Variants in NCOR1 observed in about 807,000 individuals in gnomAD.
NCOR1 encodes nuclear receptor corepressor 1, also known as protein phosphatase 1, regulatory subunit 109.
A neutral mutation model predicts 288.1 loss-of-function variants in NCOR1; 63 were observed. The ratio of observed to expected loss-of-function variants is 0.22; its 90% CI spans 0.18 to 0.27. The LOEUF (loss-of-function observed/expected upper bound fraction) is 0.27. NCOR1 is among the 10% of genes least tolerant of loss of function. The pLI, the probability that NCOR1 is intolerant of heterozygous loss-of-function variation, is 1.00. For missense variants in NCOR1, 2,397 were observed against 3,019.2 expected, an observed-to-expected ratio of 0.79 and a Z score of 4.83; for synonymous variants, 1,007 against 1,065.9, an observed-to-expected ratio of 0.94 and a Z score of 1.08.
At chr17:16,172,366 A>G (rs2083284304) in intron 3 of NCOR1, among the ~76,000 whole-genome samples, 1 of 152,164 alleles carries the variant, frequency 6.6e-6, no homozygotes, top group Non-Finnish European at 1.5e-5. Flanking sequence ...AAAACAAAAA[A>G]AAAAGGTTTG....
At chr17:16,097,248 C>T (rs770367600) in intron 21 of NCOR1, among the ~76,000 whole-genome samples, 1 of 152,202 alleles carries the variant, frequency 6.6e-6, no homozygotes, top group Non-Finnish European at 1.5e-5. Flanking sequence ...GAGGCTAGAA[C>T]TTCTTTGGGG....
chr17:16,089,130 T>G lies in NCOR1; in HGVS notation c.3017-2688A>C, dbSNP rs1449135793. ...TCCACTGGTCATAGTAGTGGTTTTT[T>G]TTTTTTTTTAAATGATGGAAATTGG... On this transcript the variant is annotated intron_variant, in intron 22 of 45. Coordinates refer to ENST00000268712, the MANE Select transcript of NCOR1 (RefSeq NM_006311.4). Among the ~76,000 whole-genome samples the G allele has an allele frequency of 4.6e-5, 7 of 151,850 alleles. No individual in the cohort carries two copies. The South Asian group carries it at 1.2e-3, about 27-fold the overall frequency.
chr17:16,072,116 T>TA (rs1442896765), intron 29 of NCOR1, 29 bp downstream of exon 29: 23 of 1,540,644 alleles, frequency 1.5e-5, no homozygotes, highest in Non-Finnish European at 1.9e-5. Flanking sequence ...CAGTTATAAA[T>TA]AAAAATGCAA....
intron 14 of NCOR1, among the ~76,000 whole-genome samples, chr17:16,131,841 C>A (rs1326796148): frequency 6.6e-6 from 1 of 152,166 alleles, no homozygotes; most frequent in African/African-American, 2.4e-5. Flanking sequence ...CTCTCTGTGC[C>A]TGACTCTGCA....
chr17:16,033,352 A>C (rs369250146), intron 45 of NCOR1, among the ~76,000 whole-genome samples: 2 of 151,864 alleles, frequency 1.3e-5, no homozygotes, highest in Middle Eastern at 3.4e-3. Context: ...AAAAAAAAAA[A>C]AAACCCAAAA....
rs1225395717 is a variant in NCOR1, at chr17:16,067,897, G to A, written c.4738C>T (p.Pro1580Ser). The A allele has an allele frequency of 3.1e-6, 5 of 1,610,132 alleles. No individual in the cohort carries two copies. In the South Asian group the frequency reaches 4.4e-5, roughly 14 times the overall value. ...TATCACTATATTTTGTGTTTACCAG[G>A]ATCCAAAGCCCTGTGAAAAGGCATG... ...PAMPFHRALD[P>S]AAAAYLFQRQ... The change falls in exon 32 of 46, where the codon CCT becomes TCT. Residue 1580 changes from proline (P) to serine (S), a missense_variant. By Grantham distance (74) the Pro-to-Ser change is moderately conservative. Transcript: ENST00000268712.
intron 3 of NCOR1, among the ~76,000 whole-genome samples, chr17:16,175,103 C>CA (rs2083867695): frequency 6.6e-6 from 1 of 151,964 alleles, no homozygotes; most frequent in Non-Finnish European, 1.5e-5. Context: ...TGCCGTGGCT[C>CA]ACGCCTGTAA....
In NCOR1 at chr17:16,057,526, T is replaced by A; in HGVS notation, c.6380A>T (p.Lys2127Ile). Residue 2127 changes from lysine to isoleucine, a missense_variant, in exon 40 of 46, where the codon AAA becomes ATA. Transcript: ENST00000268712. ...SRVSPENLVD[K>I]SRGSRPGKSP... is the part of the protein sequence containing the mutation. ...ATAAAGATCATACCTTCCCCTGGATTTGTCCACAAGATTTTCTGGAGAGAC... is the reference window on the plus strand; with the variant it reads ...ATAAAGATCATACCTTCCCCTGGATATGTCCACAAGATTTTCTGGAGAGAC... 6.2e-7 allele frequency: 1 copy of A among 1,613,964 alleles called. No individual in the cohort carries two copies. Among genetic ancestry groups the A allele is most frequent in the African/African-American group, 1.3e-5 (1 of 75,042 alleles).
intron 1 of NCOR1, among the ~76,000 whole-genome samples, chr17:16,196,493 G>C (rs1296103516): frequency 6.6e-6 from 1 of 152,142 alleles, no homozygotes; most frequent in Non-Finnish European, 1.5e-5. Flanking sequence ...AATGAAGCCA[G>C]ACCTATGTCT....
At chr17:16,086,900 G>C (rs2064318973) in intron 22 of NCOR1, among the ~76,000 whole-genome samples, 1 of 152,180 alleles carries the variant, frequency 6.6e-6, no homozygotes, top group Non-Finnish European at 1.5e-5. Context: ...GAATTTTGGG[G>C]ATGGGGAGAT....
intron 3 of NCOR1, among the ~76,000 whole-genome samples, chr17:16,175,559 AAG>A (rs890120020): frequency 1.3e-5 from 2 of 152,186 alleles, no homozygotes; most frequent in African/African-American, 4.8e-5. Context: ...TTCTTGCTAA[AAG>A]AGAATATTCC....
chr17:16,050,719 ATAATCT>A (rs1416337246), intron 40 of NCOR1, among the ~76,000 whole-genome samples: 1 of 133,850 alleles, frequency 7.5e-6, no homozygotes, highest in African/African-American at 2.9e-5. Context: ...AACTCTGTAA[ATAATCT>A]TAAACATGTT....
chr17:16,046,599 A>AG lies in NCOR1; in HGVS notation c.6679+351dup, dbSNP rs1157039412. 4.4e-4 allele frequency among the ~76,000 whole-genome samples: 67 copies of AG among 152,298 alleles called. 1 individual carries two copies. Among genetic ancestry groups the AG allele is most frequent in the African/African-American group, 1.4e-3 (60 of 41,562 alleles). On this transcript the variant is annotated intron_variant, in intron 42 of 45. Transcript: ENST00000268712. ...TGAAAGACACGTCTTCAAATATCTG[A>AG]GGAGATGTTATGTGGGGATAGGCCC...
At chr17:16,206,609 G>A (rs1430675243) in intron 1 of NCOR1, among the ~76,000 whole-genome samples, 1 of 152,094 alleles carries the variant, frequency 6.6e-6, no homozygotes, top group Non-Finnish European at 1.5e-5. Flanking sequence ...TGGTCTTGAA[G>A]TCCTGACCTC....
At chr17:16,119,351 C>T in intron 17 of NCOR1, 72 bp downstream of exon 17, 1 of 1,073,622 alleles carries the variant, frequency 9.3e-7, no homozygotes. Context: ...ACAATTAGTT[C>T]CATCTCACTC....
chr17:16,181,328 C>G (rs538851589), intron 3 of NCOR1, among the ~76,000 whole-genome samples: 1 of 149,404 alleles, frequency 6.7e-6, no homozygotes, highest in Non-Finnish European at 1.5e-5. Flanking sequence ...GCTGAAACCA[C>G]GCTGAAATAA....
chr17:16,077,508 GAGA>G (rs1567868546), intron 26 of NCOR1, among the ~76,000 whole-genome samples: 1 of 33,922 alleles, frequency 2.9e-5, no homozygotes, highest in African/African-American at 1.5e-4. Flanking sequence ...GAGAGGGGAG[GAGA>G]GGGGAGGGGG....
intron 19 of NCOR1, among the ~76,000 whole-genome samples, chr17:16,102,278 T>C (rs2067766575): frequency 6.6e-6 from 1 of 152,200 alleles, no homozygotes. Flanking sequence ...TTTAAACTTT[T>C]TTTTTAATTT....
Position 16,095,008 on chromosome 17 carries a change from GTC to G in NCOR1, c.2821-2952_2821-2951del, listed in dbSNP as rs571316797. ...CCACCCCGTCTGGGAAGTGAGGAGC[GTC>G]TCTGCCTGGCCGCCCACCGTCTGGG... On this transcript the variant is annotated intron_variant, in intron 21 of 45. Transcript: ENST00000268712. Among the ~76,000 whole-genome samples, 961 of 151,506 alleles carry G rather than the reference GTC, an allele frequency of 6.3e-3. 10 individuals are homozygous for G. The highest frequency in any genetic ancestry group is 0.022 in the African/African-American group (928 of 41,276).
Sources: allele counts gnomAD v4.1 joint callset (sites outside exome capture counted in the v4.1 genomes callset), GRCh38; gene constraint gnomAD v4.1.1; transcripts MANE v1.5; gene names NCBI Gene and HGNC (gene_info 2026-07-23, HGNC 2026-07-21).